Variants in LRP1B observed in about 807,000 individuals in gnomAD.
The protein encoded by LRP1B is low-density lipoprotein receptor-related protein 1B.
LRP1B carries 217 observed loss-of-function variants against 556.6 expected under a neutral mutation model. The ratio of observed to expected loss-of-function variants is 0.39; its 90% CI spans 0.35 to 0.44. The LOEUF is 0.44. LRP1B is among the 20% of genes least tolerant of loss of function. The pLI, the probability that LRP1B is intolerant of heterozygous loss-of-function variation, is 1.00. For missense variants in LRP1B, 5,053 were observed against 5,620.8 expected, an observed-to-expected ratio of 0.90 and a Z score of 3.23; for synonymous variants, 2,047 against 1,865.8, an observed-to-expected ratio of 1.10 and a Z score of -2.50.
chr2:141,938,096 C>A (rs1700690521), intron 1 of LRP1B, among the ~76,000 whole-genome samples: 1 of 151,978 alleles, frequency 6.6e-6, no homozygotes, highest in Admixed American at 6.6e-5. Context: ...ATTACTGCAG[C>A]TTTGCAACAT....
intron 35 of LRP1B, among the ~76,000 whole-genome samples, chr2:140,744,540 G>A (rs1199437486): frequency 6.6e-6 from 1 of 152,118 alleles, no homozygotes; most frequent in Non-Finnish European, 1.5e-5. Flanking sequence ...CTCACAGAGC[G>A]GCAATTTACT....
intron 3 of LRP1B, among the ~76,000 whole-genome samples, chr2:141,266,190 G>T (rs1684881049): frequency 6.6e-6 from 1 of 152,034 alleles, no homozygotes; most frequent in African/African-American, 2.4e-5. Context: ...CGGGGGTGAT[G>T]GCAGGCGCCT....
At chr2:140,975,237 C>A (rs988356134) in intron 18 of LRP1B, among the ~76,000 whole-genome samples, 4 of 151,748 alleles carry the variant, frequency 2.6e-5, no homozygotes, top group Non-Finnish European at 5.9e-5. Flanking sequence ...TCTAGATATG[C>A]AGGGAACCCT....
At chr2:141,022,547 T>G (rs1035671530) in intron 11 of LRP1B, among the ~76,000 whole-genome samples, 1 of 151,962 alleles carries the variant, frequency 6.6e-6, no homozygotes, top group East Asian at 1.9e-4. Context: ...GATGGAACAG[T>G]TAGACATATA....
intron 41 of LRP1B, among the ~76,000 whole-genome samples, chr2:140,604,605 A>C (rs1480660569): frequency 6.6e-6 from 1 of 152,152 alleles, no homozygotes; most frequent in East Asian, 1.9e-4. Flanking sequence ...CAAATGGGAA[A>C]GGCAGTGAAG....
At chr2:141,721,211 T>C (rs984747174) in intron 2 of LRP1B, among the ~76,000 whole-genome samples, 1 of 152,236 alleles carries the variant, frequency 6.6e-6, no homozygotes, top group Non-Finnish European at 1.5e-5. Flanking sequence ...TCATGTTCCT[T>C]TATTTAATTC....
At chr2:141,345,625 G>T (rs1463072253) in intron 3 of LRP1B, among the ~76,000 whole-genome samples, 3 of 151,022 alleles carry the variant, frequency 2.0e-5, no homozygotes, top group Non-Finnish European at 2.9e-5. Flanking sequence ...AGGTAGCTAG[G>T]ACTACGAGTG....
intron 60 of LRP1B, among the ~76,000 whole-genome samples, chr2:140,458,468 G>A (rs148651643): frequency 6.2e-4 from 94 of 152,178 alleles, no homozygotes; most frequent in Non-Finnish European, 1.1e-3. Context: ...TTTAAACTGT[G>A]ATAGAGTTTT....
At chr2:141,224,512 A>G (rs926848891) in intron 6 of LRP1B, among the ~76,000 whole-genome samples, 1 of 152,176 alleles carries the variant, frequency 6.6e-6, no homozygotes, top group African/African-American at 2.4e-5. Flanking sequence ...AAATCATTCT[A>G]TTGTAAAGAT....
intron 1 of LRP1B, among the ~76,000 whole-genome samples, chr2:141,941,413 G>T (rs1232278691): frequency 6.6e-6 from 1 of 152,146 alleles, no homozygotes; most frequent in African/African-American, 2.4e-5. Flanking sequence ...GTACTGTGAG[G>T]CCACAGTCAA....
At position 140,475,214 on chromosome 2, in the gene LRP1B, A is replaced by G. The variant is rs1687922036; in HGVS notation, c.9549T>C (p.Tyr3183=). The G allele has an allele frequency of 6.2e-7, 1 of 1,612,076 alleles. No individual in the cohort carries two copies. Among genetic ancestry groups the G allele is most frequent in the South Asian group, 1.1e-5 (1 of 90,952 alleles). ...CGGCCCAGTAGAGTCTACGATTAAC[A>G]TAATCTATTGTTAGTGCCATAGGTC... The part of the protein sequence containing the change: ...ISRPMALTID[Y]VNRRLYWADE... The change falls in exon 60 of 91, where the codon TAT becomes TAC. Residue 3183 remains tyrosine, a synonymous_variant. Coordinates refer to ENST00000389484, the MANE Select transcript of LRP1B (RefSeq NM_018557.3).
intron 29 of LRP1B, among the ~76,000 whole-genome samples, chr2:140,843,219 T>C (rs527308005): frequency 7.9e-5 from 12 of 151,954 alleles, no homozygotes; most frequent in African/African-American, 2.9e-4. Flanking sequence ...CACTCCTAAA[T>C]TGTAAAGCAT....
rs1016655524 is a variant in LRP1B, at chr2:140,967,074, A to G, written c.2887+15086T>C. Reference sequence around the variant, plus strand: ...CTTTAAAGTAGTTTTTTCCAGTTCTATGAAGAAACTCATTGGTAGCTTGAT... The same window carrying G: ...CTTTAAAGTAGTTTTTTCCAGTTCTGTGAAGAAACTCATTGGTAGCTTGAT... On this transcript the variant is annotated intron_variant, in intron 18 of 90. Transcript: ENST00000389484. Among the ~76,000 whole-genome samples, 7 of 152,090 alleles carry G rather than the reference A, an allele frequency of 4.6e-5. No individual in the cohort carries two copies. The East Asian group carries it at 5.8e-4, about 13-fold the overall frequency.
At chr2:142,000,540 G>A (rs910966863) in intron 1 of LRP1B, among the ~76,000 whole-genome samples, 1 of 152,130 alleles carries the variant, frequency 6.6e-6, no homozygotes, top group African/African-American at 2.4e-5. Flanking sequence ...AGAATAAGAT[G>A]ACTACAGATC....
chr2:140,749,197 G>T (rs964107155), intron 35 of LRP1B, among the ~76,000 whole-genome samples: 1 of 152,058 alleles, frequency 6.6e-6, no homozygotes, highest in African/African-American at 2.4e-5. Flanking sequence ...CTAGTTGTGG[G>T]TGAGCCAGTG....
At chr2:142,064,651 G>A (rs1442291220) in intron 1 of LRP1B, among the ~76,000 whole-genome samples, 1 of 151,452 alleles carries the variant, frequency 6.6e-6, no homozygotes, top group Non-Finnish European at 1.5e-5. Flanking sequence ...TTCTTGAGTT[G>A]AGACTCAATA....
chr2:140,632,792 G>A (rs553482980), intron 41 of LRP1B, among the ~76,000 whole-genome samples: 1 of 152,264 alleles, frequency 6.6e-6, no homozygotes, highest in African/African-American at 2.4e-5. Context: ...GCCGGGCATC[G>A]TGGCTCATGC....
At chr2:140,932,884 T>TACACACACACACACAC (rs781052076) in intron 20 of LRP1B, among the ~76,000 whole-genome samples, 2 of 13,812 alleles carry the variant, frequency 1.4e-4, no homozygotes, top group African/African-American at 2.5e-4. Flanking sequence ...TCTCTCTCCC[T>TACACACACACACACAC]ATACACACAC....
intron 1 of LRP1B, among the ~76,000 whole-genome samples, chr2:142,030,634 G>A (rs764257606): frequency 2.6e-5 from 4 of 151,818 alleles, no homozygotes; most frequent in African/African-American, 4.8e-5. Flanking sequence ...TTAAAACCAG[G>A]GGCCCAGCTA....
Sources: allele counts gnomAD v4.1 joint callset (sites outside exome capture counted in the v4.1 genomes callset), GRCh38; gene constraint gnomAD v4.1.1; transcripts MANE v1.5; gene names NCBI Gene and HGNC (gene_info 2026-07-23, HGNC 2026-07-21).